The following MYOCD variants were observed in gnomAD, a reference collection of about 807,000 sequenced individuals.
MYOCD encodes the protein myocardin.
MYOCD carries 32 observed loss-of-function variants against 96.1 expected under a neutral mutation model. The observed-to-expected ratio is 0.33, with a 90% CI of 0.25 to 0.45. The LOEUF (loss-of-function observed/expected upper bound fraction) is 0.45, where lower values mean the gene tolerates loss of function less well. MYOCD is among the 20% of genes least tolerant of loss of function. The probability of loss-of-function intolerance (pLI) is 1.00; values close to 1 mark genes in which losing one functional copy is unlikely to be tolerated. For missense variants in MYOCD, 1,133 were observed against 1,200.6 expected, an observed-to-expected ratio of 0.94 and a Z score of 0.83; for synonymous variants, 469 against 469.0, an observed-to-expected ratio of 1.00 and a Z score of 0.00.
chr17:12,729,901 T>C (rs1371489752), intron 5 of MYOCD, among the ~76,000 whole-genome samples: 1 of 152,154 alleles, frequency 6.6e-6, no homozygotes, highest in Non-Finnish European at 1.5e-5. Context: ...TAACTGCTTT[T>C]CCTGACTTGT....
intron 3 of MYOCD, among the ~76,000 whole-genome samples, chr17:12,716,695 T>C (rs560459186): frequency 1.3e-5 from 2 of 152,212 alleles, no homozygotes; most frequent in African/African-American, 2.4e-5. Context: ...TCAGAGGAAA[T>C]GGAGGCTGGG....
chr17:12,739,348 C>T lies in MYOCD; in HGVS notation c.717+20C>T, dbSNP rs1203167402. On this transcript the variant is annotated intron_variant, in intron 7 of 13. Coordinates refer to ENST00000425538, the MANE Select transcript of MYOCD (RefSeq NM_001146312.3). Reference sequence around the variant, plus strand: ...GTAAAGGTACGGACACATCAGCCTCCAAGCCCTGCCTGAGCGCTCGGCTCA... The same window carrying T: ...GTAAAGGTACGGACACATCAGCCTCTAAGCCCTGCCTGAGCGCTCGGCTCA... 1 of 1,518,712 alleles carries T rather than the reference C, an allele frequency of 6.6e-7. No homozygotes were observed. Among genetic ancestry groups the T allele is most frequent in the Non-Finnish European group, 8.8e-7 (1 of 1,133,508 alleles). 94.1% of individuals were successfully genotyped at this position (1,518,712 alleles called of 1,614,324 possible). A position where few individuals can be genotyped will look rare whatever the true frequency, so the allele number is the denominator to read the frequency against.
rs576302251 is a variant in MYOCD, at chr17:12,765,350, A to T, written c.*1706A>T. On this transcript the variant is annotated 3_prime_UTR_variant, in exon 14 of 14. Transcript: ENST00000425538. Reference sequence around the variant, plus strand: ...AAAAAGTTGTTCACTGTGCACTTATAGAAAAAATAATCAAAAATGTTGGGA... The same window carrying T: ...AAAAAGTTGTTCACTGTGCACTTATTGAAAAAATAATCAAAAATGTTGGGA... 6.6e-6 allele frequency: 1 copy of T among 152,044 alleles called. No individual in the cohort carries two copies. Among genetic ancestry groups the T allele is most frequent in the Non-Finnish European group, 1.5e-5 (1 of 67,984 alleles). 9.4% of individuals were successfully genotyped at this position (152,044 alleles called of 1,614,324 possible).
intron 4 of MYOCD, among the ~76,000 whole-genome samples, chr17:12,721,043 A>G (rs2031818626): frequency 1.3e-5 from 2 of 150,530 alleles, no homozygotes; most frequent in South Asian, 2.1e-4. Context: ...AAAAAAAAAA[A>G]TAGGTGACTC....
chr17:12,740,205 G>A (rs2032465878), intron 7 of MYOCD, among the ~76,000 whole-genome samples: 2 of 152,206 alleles, frequency 1.3e-5, no homozygotes, highest in African/African-American at 2.4e-5. Context: ...AAAGTGCTGG[G>A]ATTACAGGCG....
chr17:12,732,443 G>T (rs577856308), intron 5 of MYOCD, among the ~76,000 whole-genome samples: 1 of 152,130 alleles, frequency 6.6e-6, no homozygotes, highest in East Asian at 1.9e-4. Context: ...CCTCCGGGAG[G>T]CTTCTTGGAC....
At chr17:12,681,784 C>T (rs1031615886) in intron 1 of MYOCD, among the ~76,000 whole-genome samples, 4 of 152,150 alleles carry the variant, frequency 2.6e-5, no homozygotes, top group African/African-American at 7.2e-5. Context: ...TCACCTTGTT[C>T]CTTGAGACCA....
intron 9 of MYOCD, among the ~76,000 whole-genome samples, chr17:12,747,278 T>C (rs1005191289): frequency 6.6e-6 from 1 of 152,010 alleles, no homozygotes; most frequent in South Asian, 2.1e-4. Context: ...AAGAGAGAGA[T>C]GGGCAGGAGA....
At chr17:12,757,446 G>A (rs1214599849) in intron 11 of MYOCD, among the ~76,000 whole-genome samples, 2 of 152,102 alleles carry the variant, frequency 1.3e-5, no homozygotes, top group Admixed American at 6.6e-5. Flanking sequence ...TGGAATAAAT[G>A]ACCTGTGGGG....
intron 1 of MYOCD, chr17:12,704,798 T>C (rs1238742838): frequency 4.8e-6 from 1 of 207,162 alleles, no homozygotes; most frequent in Non-Finnish European, 9.6e-6. Flanking sequence ...ATATCACTGG[T>C]TGCCAACCAA....
chr17:12,698,384 AACAGGG>A (rs2030881854), intron 1 of MYOCD, among the ~76,000 whole-genome samples: 1 of 152,198 alleles, frequency 6.6e-6, no homozygotes, highest in South Asian at 2.1e-4. Context: ...TCAGTGATTT[AACAGGG>A]CCCTTGAAGA....
chr17:12,697,335 GTA>G (rs1007347099), intron 1 of MYOCD, among the ~76,000 whole-genome samples: 2,338 of 91,938 alleles, frequency 0.025, 47 homozygotes, highest in African/African-American at 0.035. Flanking sequence ...TGGTATAGGA[GTA>G]TATATATATA....
chr17:12,736,347 A>G lies in MYOCD; in HGVS notation c.591+11A>G, dbSNP rs772798946. 1.2e-6 allele frequency: 2 copies of G among 1,610,572 alleles called. No individual in the cohort carries two copies. The highest frequency in any genetic ancestry group is 1.7e-6 in the Non-Finnish European group (2 of 1,177,886). On this transcript the variant is annotated intron_variant, in intron 6 of 13. Transcript: ENST00000425538. ...CTGGGGACAAACCAGGTAAAAAACAAAACAAACAAACGAAAAAAGTAAAAC... is the reference window on the plus strand; with the variant it reads ...CTGGGGACAAACCAGGTAAAAAACAGAACAAACAAACGAAAAAAGTAAAAC...
At chr17:12,677,224 G>A (rs1910118141) in intron 1 of MYOCD, among the ~76,000 whole-genome samples, 1 of 152,094 alleles carries the variant, frequency 6.6e-6, no homozygotes, top group South Asian at 2.1e-4. Context: ...ACCCATAGAG[G>A]GGAGCAACAC....
chr17:12,712,079 T>C (rs2031498126), intron 2 of MYOCD, among the ~76,000 whole-genome samples: 1 of 151,902 alleles, frequency 6.6e-6, no homozygotes, highest in Admixed American at 6.6e-5. Context: ...GCCAGGCTGG[T>C]CTTGAACTCC....
intron 1 of MYOCD, among the ~76,000 whole-genome samples, chr17:12,700,398 A>C (rs1432334717): frequency 2.4e-5 from 2 of 83,484 alleles, no homozygotes; most frequent in African/African-American, 1.3e-4. Context: ...GCAATGGGAG[A>C]ATTTTTTTTT....
intron 1 of MYOCD, among the ~76,000 whole-genome samples, chr17:12,678,605 C>G (rs1667912295): frequency 6.6e-6 from 1 of 152,044 alleles, no homozygotes; most frequent in Non-Finnish European, 1.5e-5. Flanking sequence ...AATTATAGCA[C>G]CTCTTATTTC....
intron 1 of MYOCD, chr17:12,671,817 A>G (rs1909726121): frequency 6.6e-6 from 1 of 152,240 alleles, no homozygotes; most frequent in South Asian, 2.1e-4. Context: ...AGAATTTTAC[A>G]TGCTTCAAAA....
chr17:12,716,500 G>A (rs1218936382), intron 3 of MYOCD, among the ~76,000 whole-genome samples: 1 of 152,180 alleles, frequency 6.6e-6, no homozygotes, highest in Non-Finnish European at 1.5e-5. Flanking sequence ...ATGAGACTGG[G>A]TAGATAACCC....
Sources: gnomAD v4.1 joint callset for allele counts (sites outside exome capture counted in the v4.1 genomes callset) on GRCh38, gnomAD v4.1.1 for gene constraint, MANE v1.5 for transcripts, NCBI Gene and HGNC (gene_info 2026-07-23, HGNC 2026-07-21) for gene names.